The following ARAP1 variants were observed in gnomAD, a reference collection of about 807,000 sequenced individuals.
ARAP1 encodes the protein arf-GAP with Rho-GAP domain, ANK repeat and PH domain-containing protein 1.
ARAP1 carries 76 observed loss-of-function variants against 172.2 expected under a neutral mutation model. The observed-to-expected ratio is 0.44, with a 90% CI of 0.37 to 0.53. ARAP1 has a LOEUF of 0.53. Ranked by LOEUF, ARAP1 falls within the 20% of genes least tolerant of loss-of-function variation. The probability of loss-of-function intolerance (pLI) is 0.00; values close to 1 mark genes in which losing one functional copy is unlikely to be tolerated. For synonymous variants in ARAP1, 804 were observed against 803.3 expected, an observed-to-expected ratio of 1.00 and a Z score of -0.01; for missense variants, 1,686 against 1,977.5, an observed-to-expected ratio of 0.85 and a Z score of 2.80.
At chr11:72,691,683 C>G (rs1855938626) in intron 30 of ARAP1, among the ~76,000 whole-genome samples, 1 of 152,132 alleles carries the variant, frequency 6.6e-6, no homozygotes, top group African/African-American at 2.4e-5. Flanking sequence ...ATGCAAGGGG[C>G]AGGAAGAGGC....
intron 34 of ARAP1, 122 bp from the exon 35 acceptor site, chr11:72,685,803 C>T: frequency 7.0e-7 from 1 of 1,427,420 alleles, no homozygotes; most frequent in Non-Finnish European, 9.8e-7. Flanking sequence ...CTCCAATCAG[C>T]CAGGCTCCCA....
chr11:72,685,586 A>G lies in ARAP1; in HGVS notation c.*78T>C. On this transcript the variant is annotated 3_prime_UTR_variant, in exon 35 of 35. Coordinates refer to ENST00000393609, the MANE Select transcript of ARAP1 (RefSeq NM_001040118.3). ...CATGCACCCCCCGCTGGCTCACATC[A>G]GGCCTTGGAGCATAAGGGGTGTCTG... 1 of 1,594,846 alleles carries G rather than the reference A, an allele frequency of 6.3e-7. No individual in the cohort carries two copies. The highest frequency in any genetic ancestry group is 1.1e-5 in the South Asian group (1 of 90,696).
chr11:72,749,710 C>T (rs112980305), intron 1 of ARAP1, among the ~76,000 whole-genome samples: 8,329 of 151,978 alleles, frequency 0.055, 786 homozygotes, highest in African/African-American at 0.19. Flanking sequence ...GGTGAAACCC[C>T]GTCTCTACTA....
rs374071845 is a variant in ARAP1 at position 72,714,218 on chromosome 11, G to C, written c.613C>G (p.Pro205Ala). The C allele has an allele frequency of 4.6e-6, 7 of 1,521,456 alleles. No homozygotes were observed. Among genetic ancestry groups the C allele is most frequent in the Non-Finnish European group, 6.1e-6 (7 of 1,138,886 alleles). 94.2% of individuals were successfully genotyped at this position (1,521,456 alleles called of 1,614,324 possible). A position where few individuals can be genotyped will look rare whatever the true frequency, so the allele number is the denominator to read the frequency against. Residue 205 changes from proline (P) to alanine (A), a missense_variant, in exon 4 of 35, where the codon CCT (proline) becomes GCT (alanine). Transcript: ENST00000393609. ...LSTLPQGPPQPPSPPPCPPEI... is the reference protein window; with the variant it reads ...LSTLPQGPPQAPSPPPCPPEI... ...GGGGGGCAGGGAGGTGGAGAGGGAGGCTGGGGAGGCCCCTGGGGGAGGGTG... is the reference window on the plus strand; with the variant it reads ...GGGGGGCAGGGAGGTGGAGAGGGAGCCTGGGGAGGCCCCTGGGGGAGGGTG...
chr11:72,751,175 A>G (rs1858520646), intron 1 of ARAP1, among the ~76,000 whole-genome samples: 2 of 152,022 alleles, frequency 1.3e-5, no homozygotes, highest in Admixed American at 1.3e-4. Flanking sequence ...CAAGTAGCCA[A>G]TGGGGAGGCA....
intron 3 of ARAP1, chr11:72,722,172 A>AG: frequency 3.1e-6 from 3 of 982,068 alleles, no homozygotes; most frequent in Non-Finnish European, 3.6e-6. Flanking sequence ...AGAGAGAGAG[A>AG]AAGACAGAGG....
At chr11:72,730,306 A>T (rs1857824511) in intron 2 of ARAP1, among the ~76,000 whole-genome samples, 1 of 152,246 alleles carries the variant, frequency 6.6e-6, no homozygotes, top group African/African-American at 2.4e-5. Flanking sequence ...ATATTTTGAA[A>T]TACTGCTTTC....
At chr11:72,706,356 C>T (rs1201086240) in intron 12 of ARAP1, among the ~76,000 whole-genome samples, 1 of 151,974 alleles carries the variant, frequency 6.6e-6, no homozygotes, top group Non-Finnish European at 1.5e-5. Context: ...TGGCATGTCA[C>T]CTCCTCAGAG....
chr11:72,715,032 C>G (rs1857213994), intron 3 of ARAP1, among the ~76,000 whole-genome samples: 2 of 152,350 alleles, frequency 1.3e-5, no homozygotes, highest in South Asian at 4.1e-4. Flanking sequence ...TGTCTCAGTA[C>G]AGATCACATT....
chr11:72,704,954 C>G (rs1856687292), intron 13 of ARAP1: 1 of 152,710 alleles, frequency 6.5e-6, no homozygotes, highest in African/African-American at 2.4e-5. Flanking sequence ...CACTCTGTGT[C>G]TTCCAGCAAG....
chr11:72,727,099 CGA>C lies in ARAP1; in HGVS notation c.28_29del (p.Ser10GlyfsTer18). ...GCAATGCCCGCAGCCACTCGGCCACCGATAGCGCAGCATCCCCAGCCTCTGCC... is the reference window on the plus strand; with the variant it reads ...GCAATGCCCGCAGCCACTCGGCCACCTAGCGCAGCATCCCCAGCCTCTGCC... MAEAGDAAL[S>X]VAEWLRALHL... On this transcript the variant is annotated frameshift_variant, in exon 3 of 35. Coordinates refer to ENST00000393609, the MANE Select transcript of ARAP1 (RefSeq NM_001040118.3). LOFTEE classifies it high-confidence loss of function. The C allele has an allele frequency of 6.3e-7, 1 of 1,594,468 alleles. No homozygotes were observed.
At chr11:72,688,609 C>T in intron 30 of ARAP1, 72 bp from the exon 31 acceptor site, 1 of 1,320,060 alleles carries the variant, frequency 7.6e-7, no homozygotes, top group Non-Finnish European at 1.1e-6. Context: ...CCCGACTGGG[C>T]AGCTCCCTCT....
intron 11 of ARAP1, among the ~76,000 whole-genome samples, chr11:72,709,045 CAAA>C (rs34249967): frequency 8.0e-5 from 4 of 50,290 alleles, no homozygotes; most frequent in East Asian, 5.0e-4. Flanking sequence ...TCTCAAAAAG[CAAA>C]AAAAAAAAAA....
intron 1 of ARAP1, among the ~76,000 whole-genome samples, chr11:72,733,345 G>T (rs1032818919): frequency 6.6e-6 from 1 of 152,152 alleles, no homozygotes; most frequent in Non-Finnish European, 1.5e-5. Flanking sequence ...AGAGGTGGGG[G>T]ACCTTAGAGG....
chr11:72,686,113 G>A lies in ARAP1; in HGVS notation c.4264C>T (p.Leu1422=). The change falls in exon 34 of 35, where the codon CTG becomes TTG. Residue 1422 remains leucine, a synonymous_variant. Transcript: ENST00000393609. ...VPEVRLGSVS[L]IPLRGSENEM... ...TTTTCACTACCTCGAAGGGGGATCAGTGACACACTACCCAGCCGGACCTCA... is the reference window on the plus strand; with the variant it reads ...TTTTCACTACCTCGAAGGGGGATCAATGACACACTACCCAGCCGGACCTCA... The A allele has an allele frequency of 1.2e-6, 2 of 1,613,986 alleles. No homozygotes were observed. Among genetic ancestry groups the A allele is most frequent in the East Asian group, 2.2e-5 (1 of 44,902 alleles).
Position 72,705,897 on chromosome 11 carries a change from A to T in ARAP1, c.1724-7T>A. On this transcript the variant is annotated splice_region_variant and splice_polypyrimidine_tract_variant and intron_variant, in intron 12 of 34. Coordinates refer to ENST00000393609, the MANE Select transcript of ARAP1 (RefSeq NM_001040118.3). ...CCCAGGCCACGGTGCTCCCCTGTAG[A>T]CACAGGGCCAGACCCAGAATCACCT... 8.7e-6 allele frequency: 14 copies of T among 1,613,598 alleles called. No homozygotes were observed. Among genetic ancestry groups the T allele is most frequent in the Non-Finnish European group, 1.2e-5 (14 of 1,179,688 alleles).
Position 72,693,843 on chromosome 11 carries a change from T to C in ARAP1, c.3695-38A>G. On this transcript the variant is annotated intron_variant, in intron 27 of 34. Coordinates refer to ENST00000393609, the MANE Select transcript of ARAP1 (RefSeq NM_001040118.3). The surrounding 1 kb of genome is among the most constrained non-coding windows in gnomAD (Gnocchi z 4.6). ...CACACCTACCGTCACTGGGACCACATGGCCCGATACCACCAAAGGCTGGCA... is the reference window on the plus strand; with the variant it reads ...CACACCTACCGTCACTGGGACCACACGGCCCGATACCACCAAAGGCTGGCA... 1 of 1,522,666 alleles carries C rather than the reference T, an allele frequency of 6.6e-7. No individual in the cohort carries two copies. The highest frequency in any genetic ancestry group is 8.9e-7 in the Non-Finnish European group (1 of 1,125,296). 94.3% of individuals were successfully genotyped at this position (1,522,666 alleles called of 1,614,324 possible).
intron 23 of ARAP1, among the ~76,000 whole-genome samples, chr11:72,696,206 G>C (rs965475651): frequency 6.6e-6 from 1 of 152,174 alleles, no homozygotes; most frequent in Non-Finnish European, 1.5e-5. Context: ...CTCATAAGGA[G>C]CGCGCCACCT....
Position 72,703,015 on chromosome 11 carries a change from G to A in ARAP1, c.2057C>T (p.Ala686Val), listed in dbSNP as rs1256404465. 1 of 1,589,964 alleles carries A rather than the reference G, an allele frequency of 6.3e-7. No individual in the cohort carries two copies. The highest frequency in any genetic ancestry group is 1.8e-5 in the Admixed American group (1 of 56,138). The part of the protein sequence containing the change: ...AETQALLGCG[A>V]GINCFSGDPE... ...GTCCCCCGAGAAGCAGTTGATCCCA[G>A]CCCCACAGCCCAGGAGCGCCTGGGT... Residue 686 changes from alanine to valine, a missense_variant, in exon 15 of 35, where the codon GCT (alanine) becomes GTT (valine). Physicochemically the swap from Ala to Val is moderately conservative, Grantham distance 64. Coordinates refer to ENST00000393609, the MANE Select transcript of ARAP1 (RefSeq NM_001040118.3).
Sources: allele counts gnomAD v4.1 joint callset (sites outside exome capture counted in the v4.1 genomes callset), GRCh38; gene constraint gnomAD v4.1.1; non-coding constraint Gnocchi (gnomAD v3.1); transcripts MANE v1.5; gene names NCBI Gene and HGNC (gene_info 2026-07-23, HGNC 2026-07-21).